Variants in MDGA2 observed in about 807,000 individuals in gnomAD.
The protein encoded by MDGA2 is MAM domain-containing glycosylphosphatidylinositol anchor protein 2.
Under a neutral mutation model 117.8 loss-of-function variants are expected in MDGA2, and 40 were observed. That is an observed-to-expected ratio of 0.34 (90% CI 0.26 to 0.44). The LOEUF is 0.44. MDGA2 is among the 20% of genes least tolerant of loss of function. The pLI is 1.00. For synonymous variants in MDGA2, 452 were observed against 439.0 expected, an observed-to-expected ratio of 1.03 and a Z score of -0.37; for missense variants, 1,123 against 1,250.6, an observed-to-expected ratio of 0.90 and a Z score of 1.54.
At chr14:47,046,491 A>G (rs1889270163) in intron 7 of MDGA2, among the ~76,000 whole-genome samples, 1 of 151,262 alleles carries the variant, frequency 6.6e-6, no homozygotes, top group Non-Finnish European at 1.5e-5. Context: ...TCAGGGATAT[A>G]CCTAATGTAA....
chr14:47,483,435 G>T (rs761800053), intron 1 of MDGA2, among the ~76,000 whole-genome samples: 1 of 151,762 alleles, frequency 6.6e-6, no homozygotes, highest in Non-Finnish European at 1.5e-5. Context: ...ATTTCTTTTC[G>T]TTCGTCCTGT....
chr14:47,514,286 C>T (rs1211361801), intron 1 of MDGA2, among the ~76,000 whole-genome samples: 2 of 151,966 alleles, frequency 1.3e-5, no homozygotes, highest in African/African-American at 4.8e-5. Context: ...GGGCAATGCC[C>T]CCAAGTTCCT....
chr14:47,562,440 A>T (rs561671560), intron 1 of MDGA2, among the ~76,000 whole-genome samples: 243 of 152,194 alleles, frequency 1.6e-3, no homozygotes, highest in African/African-American at 5.2e-3. Context: ...GTATCCAGGG[A>T]TTCTATTTCT....
chr14:47,609,465 A>ACATATATATATATATATATAT (rs1555336021), intron 1 of MDGA2, among the ~76,000 whole-genome samples: 5 of 107,364 alleles, frequency 4.7e-5, no homozygotes, highest in Admixed American at 9.4e-5. Flanking sequence ...ATATATATAT[A>ACATATATATATATATATATAT]AGTTTCTTTA....
intron 1 of MDGA2, among the ~76,000 whole-genome samples, chr14:47,475,280 T>C (rs1375310007): frequency 6.6e-6 from 1 of 152,152 alleles, no homozygotes; most frequent in Admixed American, 6.5e-5. Flanking sequence ...TGAGATACCA[T>C]CTTGTGCCAG....
intron 1 of MDGA2, among the ~76,000 whole-genome samples, chr14:47,651,977 CAGTT>C (rs1475562761): frequency 6.6e-6 from 1 of 152,094 alleles, no homozygotes; most frequent in African/African-American, 2.4e-5. Context: ...GTGAAAGAGA[CAGTT>C]ACACATACGG....
At chr14:47,006,919 G>A (rs1887732437) in intron 8 of MDGA2, among the ~76,000 whole-genome samples, 1 of 151,572 alleles carries the variant, frequency 6.6e-6, no homozygotes, top group Admixed American at 6.6e-5. Flanking sequence ...TTATTGTCCT[G>A]GAGCAGGCTG....
intron 1 of MDGA2, among the ~76,000 whole-genome samples, chr14:47,539,797 ACAGT>A (rs1283810129): frequency 2.0e-5 from 3 of 152,196 alleles, no homozygotes. Flanking sequence ...GGTTCATACC[ACAGT>A]CAGTGAAAGC....
intron 7 of MDGA2, among the ~76,000 whole-genome samples, chr14:47,048,426 C>T (rs61992834): frequency 0.2 from 30,938 of 151,932 alleles, 3,168 homozygotes; most frequent in Admixed American, 0.29. Flanking sequence ...AAATCCTCAA[C>T]GCAGAATGGC....
At chr14:47,643,383 T>A (rs201730468) in intron 1 of MDGA2, among the ~76,000 whole-genome samples, 1 of 152,042 alleles carries the variant, frequency 6.6e-6, no homozygotes, top group East Asian at 1.9e-4. Flanking sequence ...ACATTCACCA[T>A]TTTTGGACAT....
At chr14:47,128,625 G>A (rs978950383) in intron 5 of MDGA2, among the ~76,000 whole-genome samples, 1 of 150,774 alleles carries the variant, frequency 6.6e-6, no homozygotes, top group African/African-American at 2.4e-5. Flanking sequence ...AGTCAGATGA[G>A]ATTAACTTTT....
intron 9 of MDGA2, among the ~76,000 whole-genome samples, chr14:46,954,914 C>T (rs1885505717): frequency 6.6e-6 from 1 of 152,004 alleles, no homozygotes; most frequent in Admixed American, 6.6e-5. Context: ...TTCACTGAAT[C>T]ATTAACTCTT....
intron 8 of MDGA2, among the ~76,000 whole-genome samples, chr14:47,017,223 G>C (rs1888114717): frequency 6.7e-6 from 1 of 148,382 alleles, no homozygotes; most frequent in Non-Finnish European, 1.5e-5. Flanking sequence ...TTTTATTTTA[G>C]ATCTAGAAAG....
At chr14:47,429,904 T>C (rs1173637378) in intron 1 of MDGA2, among the ~76,000 whole-genome samples, 1 of 150,238 alleles carries the variant, frequency 6.7e-6, no homozygotes, top group Non-Finnish European at 1.5e-5. Context: ...GGGGGGACCA[T>C]AACATTACAT....
At chr14:47,088,282 G>A (rs1890983422) in intron 6 of MDGA2, among the ~76,000 whole-genome samples, 1 of 152,010 alleles carries the variant, frequency 6.6e-6, no homozygotes, top group Non-Finnish European at 1.5e-5. Flanking sequence ...GAGCTACAAA[G>A]TAATATAATA....
chr14:46,929,580 CGT>C (rs375013114), intron 9 of MDGA2, among the ~76,000 whole-genome samples: 2,487 of 32,760 alleles, frequency 0.076, 182 homozygotes, highest in Middle Eastern at 0.2. Flanking sequence ...AGTATATATA[CGT>C]GTGTGTGTGT....
At chr14:46,990,364 T>C (rs1407289747) in intron 8 of MDGA2, among the ~76,000 whole-genome samples, 2 of 152,036 alleles carry the variant, frequency 1.3e-5, no homozygotes, top group Non-Finnish European at 2.9e-5. Flanking sequence ...TTACTAGATA[T>C]AAATCATGAG....
At chr14:47,643,947 G>C (rs1156566792) in intron 1 of MDGA2, among the ~76,000 whole-genome samples, 2 of 152,126 alleles carry the variant, frequency 1.3e-5, no homozygotes, top group Admixed American at 1.3e-4. Context: ...AATTTATATA[G>C]TGAAAAGGAG....
Position 47,052,754 on chromosome 14 carries a change from G to A in MDGA2, c.1525+8495C>T, listed in dbSNP as rs1484927149. 2.0e-5 allele frequency among the ~76,000 whole-genome samples: 3 copies of A among 151,834 alleles called. No homozygotes were observed. The East Asian group carries it at 5.8e-4, about 29-fold the overall frequency. ...TTCATATAATTGTCACCTTCTATGA[G>A]TGTCTATAATGCTACCTGTGGCTTG... On this transcript the variant is annotated intron_variant, in intron 7 of 16. Transcript: ENST00000399232.
Sources: gnomAD v4.1 joint callset for allele counts (sites outside exome capture counted in the v4.1 genomes callset) on GRCh38, gnomAD v4.1.1 for gene constraint, MANE v1.5 for transcripts, NCBI Gene and HGNC (gene_info 2026-07-23, HGNC 2026-07-21) for gene names.